Variants in OPCML observed in about 807,000 individuals in gnomAD.
The protein encoded by OPCML is opioid binding protein/cell adhesion molecule like.
In OPCML, 13 loss-of-function variants were observed where a neutral mutation model predicts 37.8. The observed-to-expected ratio is 0.34, with a 90% CI of 0.22 to 0.55. OPCML has a LOEUF of 0.55. Among genes scored for constraint, OPCML ranks in the 20% least tolerant of loss-of-function variants. OPCML has a pLI of 0.91. For synonymous variants in OPCML, 176 were observed against 168.8 expected, an observed-to-expected ratio of 1.04 and a Z score of -0.33; for missense variants, 341 against 435.6, an observed-to-expected ratio of 0.78 and a Z score of 1.93.
chr11:133,216,372 C>A (rs1939587584), intron 1 of OPCML, among the ~76,000 whole-genome samples: 1 of 152,176 alleles, frequency 6.6e-6, no homozygotes, highest in Non-Finnish European at 1.5e-5. Context: ...AAAGGTACCT[C>A]TTATGAGCCC....
intron 2 of OPCML, among the ~76,000 whole-genome samples, chr11:132,727,330 G>C (rs1163946850): frequency 2.6e-5 from 4 of 152,132 alleles, no homozygotes; most frequent in African/African-American, 9.7e-5. Flanking sequence ...TAGAGATTTA[G>C]GTGAACCGAG....
chr11:133,461,988 A>G (rs1946871267), intron 1 of OPCML, among the ~76,000 whole-genome samples: 1 of 151,996 alleles, frequency 6.6e-6, no homozygotes, highest in South Asian at 2.1e-4. Flanking sequence ...ATATATTGTC[A>G]AATAATTTTA....
chr11:133,074,579 G>A (rs1443850572), intron 1 of OPCML, among the ~76,000 whole-genome samples: 1 of 148,826 alleles, frequency 6.7e-6, no homozygotes, highest in African/African-American at 2.6e-5. Flanking sequence ...TGGCTTCCAG[G>A]AGGATGGTAG....
intron 1 of OPCML, among the ~76,000 whole-genome samples, chr11:133,437,309 G>A (rs34328905): frequency 0.12 from 18,472 of 152,108 alleles, 1,258 homozygotes; most frequent in African/African-American, 0.16. Context: ...ATCAATAGGG[G>A]CTAAGATGAG....
chr11:132,963,824 T>C (rs142201219), intron 1 of OPCML, among the ~76,000 whole-genome samples: 113 of 152,298 alleles, frequency 7.4e-4, no homozygotes, highest in Non-Finnish European at 1.5e-3. Flanking sequence ...GAACATTGTC[T>C]CTGTCCTCAT....
chr11:133,313,803 TA>T lies in OPCML; in HGVS notation c.61+218460del, dbSNP rs200511941. On this transcript the variant is annotated intron_variant, in intron 1 of 7. Coordinates refer to ENST00000524381, the MANE Select transcript of OPCML (RefSeq NM_001012393.5). ...AGACCCGAGTTAGATTTCTGTGCTA[TA>T]AAACTGTAAGAGAAAACATTTATGT... Among the ~76,000 whole-genome samples, 840 of 152,308 alleles carry T rather than the reference TA, an allele frequency of 5.5e-3. 8 individuals carry two copies. The highest frequency in any genetic ancestry group is 0.019 in the African/African-American group (793 of 41,562).
Position 133,483,982 on chromosome 11 carries a change from A to T in OPCML, c.61+48282T>A, listed in dbSNP as rs182936227. 6.2e-3 allele frequency among the ~76,000 whole-genome samples: 817 copies of T among 130,974 alleles called. 13 individuals are homozygous for T. The highest frequency in any genetic ancestry group is 0.026 in the African/African-American group (756 of 28,562). The allele number at this position is 130,974 out of a possible 152,430, so 85.9% of individuals were successfully genotyped here. A position where few individuals can be genotyped will look rare whatever the true frequency, so the allele number is the denominator to read the frequency against. On this transcript the variant is annotated intron_variant, in intron 1 of 7. Coordinates refer to ENST00000524381, the MANE Select transcript of OPCML (RefSeq NM_001012393.5). ...CAGATTATATAGATAGGTAGATAGA[A>T]AGATAGCTAGCTAGCTAGATAGATA...
At chr11:132,717,312 A>T (rs1428883823) in intron 2 of OPCML, among the ~76,000 whole-genome samples, 3 of 152,176 alleles carry the variant, frequency 2.0e-5, no homozygotes, top group Non-Finnish European at 4.4e-5. Flanking sequence ...GAACAAAAAC[A>T]CCCTAATATT....
intron 1 of OPCML, among the ~76,000 whole-genome samples, chr11:132,944,355 C>T (rs181585365): frequency 3.3e-5 from 5 of 152,190 alleles, no homozygotes; most frequent in South Asian, 2.1e-4. Flanking sequence ...GATGGGGCAC[C>T]GGTGTGCGTG....
At chr11:133,153,952 C>T (rs1950022056) in intron 1 of OPCML, among the ~76,000 whole-genome samples, 1 of 152,022 alleles carries the variant, frequency 6.6e-6, no homozygotes, top group Non-Finnish European at 1.5e-5. Flanking sequence ...TACTTCTCAC[C>T]GAGAACACGG....
intron 1 of OPCML, among the ~76,000 whole-genome samples, chr11:132,952,932 G>C (rs1945893029): frequency 1.3e-5 from 2 of 151,910 alleles, no homozygotes; most frequent in Non-Finnish European, 2.9e-5. Context: ...TAACCAAGAA[G>C]ACAAACAAAA....
At chr11:132,552,761 C>CCCTTTTTTTTTTTTTTTTTTTTTTTTTT (rs1337627753) in intron 3 of OPCML, among the ~76,000 whole-genome samples, 14 of 67,476 alleles carry the variant, frequency 2.1e-4, no homozygotes, top group Admixed American at 1.2e-3. Flanking sequence ...TTAAACACTA[C>CCCTTTTTTTTTTTTTTTTTTTTTTTTTT]TCTTTTTTTT....
At chr11:132,894,292 T>C (rs1298823023) in intron 2 of OPCML, among the ~76,000 whole-genome samples, 2 of 152,238 alleles carry the variant, frequency 1.3e-5, no homozygotes, top group Non-Finnish European at 2.9e-5. Context: ...GAGCTTCTTA[T>C]ATTTAAAAAC....
intron 2 of OPCML, among the ~76,000 whole-genome samples, chr11:132,896,847 T>C (rs1393516477): frequency 2.0e-5 from 3 of 152,246 alleles, no homozygotes; most frequent in Non-Finnish European, 4.4e-5. Context: ...GTGAAATTTC[T>C]AAGAGTCCAA....
chr11:132,449,137 C>G (rs188454774), intron 4 of OPCML, among the ~76,000 whole-genome samples: 3 of 152,290 alleles, frequency 2.0e-5, no homozygotes, highest in Admixed American at 2.0e-4. Context: ...AGTCCACACA[C>G]AAAAATAGAG....
chr11:132,510,590 G>T (rs1345054122), intron 4 of OPCML, among the ~76,000 whole-genome samples: 1 of 152,156 alleles, frequency 6.6e-6, no homozygotes, highest in Admixed American at 6.5e-5. Context: ...AGTCTCACAA[G>T]ATCTGATGGG....
chr11:133,193,438 G>A (rs925418237), intron 1 of OPCML, among the ~76,000 whole-genome samples: 1 of 152,162 alleles, frequency 6.6e-6, no homozygotes, highest in African/African-American at 2.4e-5. Flanking sequence ...GAAGTAGGAG[G>A]TAATTCCCAA....
At chr11:133,351,219 G>A (rs1380473674) in intron 1 of OPCML, among the ~76,000 whole-genome samples, 1 of 152,094 alleles carries the variant, frequency 6.6e-6, no homozygotes, top group African/African-American at 2.4e-5. Flanking sequence ...AGTGTAATTA[G>A]GAGTGGATTG....
intron 2 of OPCML, among the ~76,000 whole-genome samples, chr11:132,677,707 A>C (rs1043011745): frequency 1.6e-4 from 25 of 152,162 alleles, no homozygotes; most frequent in Non-Finnish European, 3.4e-4. Flanking sequence ...CACATGAAAA[A>C]GAAAAAAGAA....
Sources: allele counts gnomAD v4.1 joint callset (sites outside exome capture counted in the v4.1 genomes callset), GRCh38; gene constraint gnomAD v4.1.1; transcripts MANE v1.5; gene names NCBI Gene and HGNC (gene_info 2026-07-23, HGNC 2026-07-21).